XPR1: variants seen among roughly 807,000 people sequenced by gnomAD.
The protein encoded by XPR1 is solute carrier family 53 member 1.
In XPR1, 28 loss-of-function variants were observed where a neutral mutation model predicts 87.5. The ratio of observed to expected loss-of-function variants is 0.32; its 90% CI spans 0.24 to 0.44. XPR1 has a LOEUF of 0.44. Among genes scored for constraint, XPR1 ranks in the 20% least tolerant of loss-of-function variants. The probability of loss-of-function intolerance (pLI) is 1.00; values close to 1 mark genes in which losing one functional copy is unlikely to be tolerated. For synonymous variants in XPR1, 300 were observed against 306.1 expected, an observed-to-expected ratio of 0.98 and a Z score of 0.21; for missense variants, 559 against 862.3, an observed-to-expected ratio of 0.65 and a Z score of 4.41.
rs74406663 is a variant in XPR1, at chr1:180,826,279, A to T, written c.1134+935A>T. On this transcript the variant is annotated intron_variant, in intron 9 of 14. Coordinates refer to ENST00000367590, the MANE Select transcript of XPR1 (RefSeq NM_004736.4). ...TTGAAAATCATTTGAGGCCAGGTAC[A>T]GTCGCTCATGCCTATAATCCCAGTA... Among the ~76,000 whole-genome samples, 716 of 152,002 alleles carry T rather than the reference A, an allele frequency of 4.7e-3. 4 individuals are homozygous for T. Among genetic ancestry groups the T allele is most frequent in the Non-Finnish European group, 7.0e-3 (478 of 67,946 alleles).
chr1:180,667,750 G>C (rs992678489), intron 1 of XPR1, among the ~76,000 whole-genome samples: 2 of 152,112 alleles, frequency 1.3e-5, no homozygotes, highest in Non-Finnish European at 2.9e-5. Context: ...GAATTATGGA[G>C]TCAATCTTCT....
intron 2 of XPR1, among the ~76,000 whole-genome samples, chr1:180,740,836 T>G (rs79826759): frequency 6.6e-6 from 1 of 152,140 alleles, no homozygotes; most frequent in Non-Finnish European, 1.5e-5. Context: ...ATCAGCAGAT[T>G]CCCATGTCTG....
At chr1:180,760,713 C>G (rs181071539) in intron 2 of XPR1, among the ~76,000 whole-genome samples, 3 of 152,056 alleles carry the variant, frequency 2.0e-5, no homozygotes, top group African/African-American at 7.2e-5. Context: ...AGATTCAATC[C>G]CATCACCATC....
intron 2 of XPR1, among the ~76,000 whole-genome samples, chr1:180,730,158 T>C (rs745404032): frequency 5.9e-5 from 9 of 152,300 alleles, no homozygotes; most frequent in Admixed American, 4.6e-4. Context: ...CCTTTCCCCA[T>C]TGCTTGTTTT....
At chr1:180,763,026 A>G (rs190342398) in intron 2 of XPR1, among the ~76,000 whole-genome samples, 2 of 152,346 alleles carry the variant, frequency 1.3e-5, no homozygotes, top group African/African-American at 4.8e-5. Context: ...GCTGGACTGT[A>G]TGACAACCGG....
chr1:180,800,548 G>A (rs1571850254), intron 3 of XPR1, among the ~76,000 whole-genome samples: 1 of 152,334 alleles, frequency 6.6e-6, no homozygotes, highest in Middle Eastern at 3.4e-3. Context: ...CCTTAGGAGA[G>A]CCTGACAGAG....
rs545825191 is a variant in XPR1 at position 180,666,567 on chromosome 1, A to G, written c.70-15793A>G. Reference sequence around the variant, plus strand: ...GCTATTGTTAAATGGAATTGCTGTCATTTTCAGATTGTTTCTGCAATTTGT... The same window carrying G: ...GCTATTGTTAAATGGAATTGCTGTCGTTTTCAGATTGTTTCTGCAATTTGT... On this transcript the variant is annotated intron_variant, in intron 1 of 14. Coordinates refer to ENST00000367590, the MANE Select transcript of XPR1 (RefSeq NM_004736.4). 1.2e-4 allele frequency among the ~76,000 whole-genome samples: 18 copies of G among 152,214 alleles called. No homozygotes were observed. In the South Asian group the frequency reaches 3.3e-3, roughly 28 times the overall value.
At chr1:180,772,354 C>A (rs568919828) in intron 2 of XPR1, among the ~76,000 whole-genome samples, 3 of 152,252 alleles carry the variant, frequency 2.0e-5, no homozygotes, top group East Asian at 3.9e-4. Context: ...TCTCCTAAGA[C>A]CCCTGACTCC....
intron 2 of XPR1, among the ~76,000 whole-genome samples, chr1:180,749,639 TCACA>T (rs139363505): frequency 0.2 from 27,763 of 142,256 alleles, 2,728 homozygotes; most frequent in Middle Eastern, 0.27. Flanking sequence ...CACATATACA[TCACA>T]CACACACACA....
chr1:180,676,021 C>G (rs1207156417), intron 1 of XPR1, among the ~76,000 whole-genome samples: 1 of 152,132 alleles, frequency 6.6e-6, no homozygotes, highest in Non-Finnish European at 1.5e-5. Context: ...TTTGTCTTGA[C>G]TTAAACGAAA....
At chr1:180,769,475 C>T (rs1342212280) in intron 2 of XPR1, among the ~76,000 whole-genome samples, 2 of 143,796 alleles carry the variant, frequency 1.4e-5, no homozygotes, top group African/African-American at 5.2e-5. Context: ...CTCTCTCTCT[C>T]TCTCTCTCAG....
chr1:180,857,778 T>C (rs1652083259), intron 11 of XPR1, among the ~76,000 whole-genome samples: 1 of 152,184 alleles, frequency 6.6e-6, no homozygotes. Flanking sequence ...ATTTGTTTGC[T>C]GAATATACAA....
At chr1:180,803,264 A>G in intron 3 of XPR1, 124 bp from the exon 4 acceptor site, 1 of 884,514 alleles carries the variant, frequency 1.1e-6, no homozygotes, top group Non-Finnish European at 1.7e-6. Flanking sequence ...AGAGTTCTAA[A>G]TATTACATGT....
intron 13 of XPR1, among the ~76,000 whole-genome samples, chr1:180,875,628 A>G (rs1324690277): frequency 6.6e-6 from 1 of 152,094 alleles, no homozygotes; most frequent in Non-Finnish European, 1.5e-5. Context: ...CTTTACATGT[A>G]TATATCAGAA....
At position 180,886,714 on chromosome 1, in the gene XPR1, A is replaced by C. The variant is rs1349156380; in HGVS notation, c.*2648A>C. 6.6e-6 allele frequency: 1 copy of C among 152,250 alleles called. No individual in the cohort carries two copies. Among genetic ancestry groups the C allele is most frequent in the African/African-American group, 2.4e-5 (1 of 41,470 alleles). 9.4% of individuals were successfully genotyped at this position (152,250 alleles called of 1,614,324 possible). A position where few individuals can be genotyped will look rare whatever the true frequency, so the allele number is the denominator to read the frequency against. The stretch of plus-strand genomic sequence containing the variant: ...AGAGAAAAGAGGACTTTTCCTCATC[A>C]AGAGAGCTTGGGAGACAAAGCATAC... On this transcript the variant is annotated 3_prime_UTR_variant, in exon 15 of 15. Coordinates refer to ENST00000367590, the MANE Select transcript of XPR1 (RefSeq NM_004736.4).
At chr1:180,883,126 C>CTTTTTTT (rs10690260) in intron 14 of XPR1, among the ~76,000 whole-genome samples, 1 of 87,200 alleles carries the variant, frequency 1.1e-5, no homozygotes, top group African/African-American at 4.6e-5. Flanking sequence ...TCATACCTGG[C>CTTTTTTT]TTTTTTTTTT....
intron 7 of XPR1, among the ~76,000 whole-genome samples, chr1:180,820,243 C>G (rs1042369048): frequency 3.3e-5 from 5 of 152,030 alleles, no homozygotes; most frequent in African/African-American, 9.7e-5. Flanking sequence ...ATCTAGTTCC[C>G]AGACATTTTC....
At chr1:180,791,867 G>A (rs1335510000) in intron 3 of XPR1, among the ~76,000 whole-genome samples, 1 of 152,014 alleles carries the variant, frequency 6.6e-6, no homozygotes, top group Admixed American at 6.5e-5. Flanking sequence ...AAGTTAGGTC[G>A]CTTCTCAAAA....
chr1:180,814,356 A>G (rs1197581735), intron 7 of XPR1, among the ~76,000 whole-genome samples: 1 of 152,196 alleles, frequency 6.6e-6, no homozygotes, highest in Non-Finnish European at 1.5e-5. Flanking sequence ...TTAGGTGAAT[A>G]CAGTTTACTT....
Sources: allele counts gnomAD v4.1 joint callset (sites outside exome capture counted in the v4.1 genomes callset), GRCh38; gene constraint gnomAD v4.1.1; transcripts MANE v1.5; gene names NCBI Gene and HGNC (gene_info 2026-07-23, HGNC 2026-07-21).